Variants in REL observed in about 807,000 individuals in gnomAD.
REL encodes the protein REL proto-oncogene, NF-kB subunit, also known as proto-oncogene c-Rel.
Under a neutral mutation model 45.9 loss-of-function variants are expected in REL, and 15 were observed. The ratio of observed to expected loss-of-function variants is 0.33; its 90% CI spans 0.22 to 0.50. The LOEUF (loss-of-function observed/expected upper bound fraction) is 0.50, where lower values mean the gene tolerates loss of function less well. Ranked by LOEUF, REL falls within the 20% of genes least tolerant of loss-of-function variation. REL has a pLI of 0.98. For missense variants in REL, 601 were observed against 715.2 expected, an observed-to-expected ratio of 0.84 and a Z score of 1.82; for synonymous variants, 239 against 242.1, an observed-to-expected ratio of 0.99 and a Z score of 0.12.
chr2:60,925,584 C>G lies in REL; in HGVS notation c.*3049C>G, dbSNP rs1674248964. On this transcript the variant is annotated 3_prime_UTR_variant, in exon 10 of 10. Transcript: ENST00000394479. ...TAAAATAAATTTTTAAAATCATAAGCACATAAATAGAACTTACCAGGGAGA... is the reference window on the plus strand; with the variant it reads ...TAAAATAAATTTTTAAAATCATAAGGACATAAATAGAACTTACCAGGGAGA... The G allele has an allele frequency of 5.5e-6, 1 of 182,538 alleles. No homozygotes were observed. Among genetic ancestry groups the G allele is most frequent in the South Asian group, 2.0e-4 (1 of 5,078 alleles). The allele number at this position is 182,538 out of a possible 1,614,324, so 11.3% of individuals were successfully genotyped here. A position where few individuals can be genotyped will look rare whatever the true frequency, so the allele number is the denominator to read the frequency against.
intron 5 of REL, among the ~76,000 whole-genome samples, chr2:60,917,712 G>T (rs529873864): frequency 2.9e-5 from 4 of 138,550 alleles, no homozygotes; most frequent in Admixed American, 7.3e-5. Flanking sequence ...GTGTGTGTGT[G>T]TGTACGTGTG....
At chr2:60,887,928 T>A (rs998931510) in intron 1 of REL, among the ~76,000 whole-genome samples, 2 of 151,538 alleles carry the variant, frequency 1.3e-5, no homozygotes, top group Non-Finnish European at 2.9e-5. Flanking sequence ...TTTTTGTGTT[T>A]TGTTTGTTTT....
chr2:60,916,151 G>T (rs975867433), intron 4 of REL, among the ~76,000 whole-genome samples: 4 of 152,180 alleles, frequency 2.6e-5, no homozygotes, highest in Non-Finnish European at 5.9e-5. Flanking sequence ...AGTGGCTCAC[G>T]CCCATAATCC....
intron 4 of REL, among the ~76,000 whole-genome samples, chr2:60,912,225 A>G (rs1191902757): frequency 2.0e-5 from 3 of 151,574 alleles, no homozygotes; most frequent in Non-Finnish European, 2.9e-5. Context: ...CCCAGAAGAG[A>G]CTCCAATCAC....
At chr2:60,900,807 G>A in intron 3 of REL, 185 bp from the exon 4 acceptor site, 1 of 532,192 alleles carries the variant, frequency 1.9e-6, no homozygotes, top group Non-Finnish European at 3.2e-6. Context: ...ACAGGCACAA[G>A]CCACGCGCCC....
chr2:60,892,749 T>C (rs1558791221), intron 2 of REL, among the ~76,000 whole-genome samples: 1 of 151,506 alleles, frequency 6.6e-6, no homozygotes, highest in African/African-American at 2.4e-5. Flanking sequence ...TAAATTTATT[T>C]ATTTTTTTAT....
chr2:60,927,969 G>C lies in REL; in HGVS notation c.*5434G>C, dbSNP rs543350243. 4.7e-6 allele frequency: 1 copy of C among 212,734 alleles called. No homozygotes were observed. The highest frequency in any genetic ancestry group is 1.9e-4 in the South Asian group (1 of 5,314). 13.2% of individuals were successfully genotyped at this position (212,734 alleles called of 1,614,324 possible). On this transcript the variant is annotated 3_prime_UTR_variant, in exon 10 of 10. Coordinates refer to ENST00000394479, the MANE Select transcript of REL (RefSeq NM_001291746.2). ...GAACAGAAACAGCTGGGTTGTCAAC[G>C]TCTAACCTAATACTTCAGGAAAACT... is the stretch of plus-strand genomic sequence containing the variant.
chr2:60,885,699 A>G (rs1263962891), intron 1 of REL, among the ~76,000 whole-genome samples: 7 of 152,164 alleles, frequency 4.6e-5, no homozygotes, highest in Admixed American at 3.9e-4. Context: ...AGTAGAGGTG[A>G]TATTTGGAAA....
At chr2:60,907,069 G>A (rs1264437225) in intron 4 of REL, among the ~76,000 whole-genome samples, 3 of 151,316 alleles carry the variant, frequency 2.0e-5, no homozygotes, top group Admixed American at 6.6e-5. Context: ...ACAGGCACGC[G>A]CCACCATGCC....
At chr2:60,917,680 C>CTG (rs34038794) in intron 5 of REL, among the ~76,000 whole-genome samples, 5,624 of 142,250 alleles carry the variant, frequency 0.04, 165 homozygotes, top group East Asian at 0.12. Context: ...CCCCAAAATA[C>CTG]TGTGTGTGTG....
chr2:60,910,482 CAAAAAAA>C (rs11311284), intron 4 of REL, among the ~76,000 whole-genome samples: 3 of 138,352 alleles, frequency 2.2e-5, no homozygotes, highest in Admixed American at 7.4e-5. Context: ...AAACAAAAAA[CAAAAAAA>C]AAAAAAACAT....
At chr2:60,896,344 A>G (rs949247423) in intron 3 of REL, among the ~76,000 whole-genome samples, 3 of 152,108 alleles carry the variant, frequency 2.0e-5, no homozygotes, top group Admixed American at 2.0e-4. Flanking sequence ...GTAAAGAATA[A>G]TTTTATTTTT....
chr2:60,909,747 A>G (rs1027672055), intron 4 of REL, among the ~76,000 whole-genome samples: 1 of 152,168 alleles, frequency 6.6e-6, no homozygotes, highest in African/African-American at 2.4e-5. Context: ...CTAAAAATAC[A>G]AAAATTAGCT....
At chr2:60,919,486 C>T (rs960831269) in intron 7 of REL, among the ~76,000 whole-genome samples, 6 of 152,136 alleles carry the variant, frequency 3.9e-5, no homozygotes, top group Admixed American at 6.5e-5. Context: ...AGTACAGTGG[C>T]GCAATCCTGG....
intron 1 of REL, among the ~76,000 whole-genome samples, chr2:60,889,941 T>C (rs1673167131): frequency 6.6e-6 from 1 of 152,212 alleles, no homozygotes; most frequent in South Asian, 2.1e-4. Context: ...CAGCATGATT[T>C]ATAATCTTTT....
intron 1 of REL, among the ~76,000 whole-genome samples, chr2:60,891,272 C>T (rs145055137): frequency 3.5e-4 from 54 of 152,288 alleles, no homozygotes; most frequent in Admixed American, 6.5e-4. Flanking sequence ...ATATATTTAA[C>T]TCACTTTAGG....
In REL at chr2:60,928,188, G is replaced by A. The variant is rs1674311705; in HGVS notation, c.*5653G>A. ...AAAAAAAAAGAGGATACAACCAAAT[G>A]GAAGAACATTCCATGCTCATGGGTA... On this transcript the variant is annotated 3_prime_UTR_variant, in exon 10 of 10. Transcript: ENST00000394479. 1.2e-5 allele frequency: 2 copies of A among 171,882 alleles called. No homozygotes were observed. Among genetic ancestry groups the A allele is most frequent in the Admixed American group, 6.4e-5 (1 of 15,548 alleles). The allele number at this position is 171,882 out of a possible 1,614,324, so 10.6% of individuals were successfully genotyped here. A position where few individuals can be genotyped will look rare whatever the true frequency, so the allele number is the denominator to read the frequency against.
rs747719023 is a variant in REL, at chr2:60,922,534, A to G, written c.1763A>G (p.Ter588=). The part of the protein sequence containing the change: ...DSFPYEFFQV[*] ...TTTCCATATGAATTTTTTCAAGTAT[A>G]ACTTGCAAGATTTAAATCCTTTTAA... Residue 588 remains the stop codon, a stop_retained_variant, in exon 10 of 10, where the codon TAA becomes TGA. Transcript: ENST00000394479. 6.3e-7 allele frequency: 1 copy of G among 1,594,208 alleles called. No homozygotes were observed. The highest frequency in any genetic ancestry group is 8.5e-7 in the Non-Finnish European group (1 of 1,171,116).
In REL at chr2:60,916,858, AT is replaced by A. The variant is rs527378932; in HGVS notation, c.395-9del. 684 of 1,518,390 alleles carry A rather than the reference AT, an allele frequency of 4.5e-4. No homozygotes were observed. Among genetic ancestry groups the A allele is most frequent in the Non-Finnish European group, 4.9e-4 (543 of 1,109,552 alleles). 94.1% of individuals were successfully genotyped at this position (1,518,390 alleles called of 1,614,324 possible). On this transcript the variant is annotated intron_variant, in intron 4 of 9. Coordinates refer to ENST00000394479, the MANE Select transcript of REL (RefSeq NM_001291746.2). ...TCTATGTGACTATTACATTTAAAAA[AT>A]TTTTTTTTTCTATTCAGTCCCTGAA...
Sources: allele counts gnomAD v4.1 joint callset (sites outside exome capture counted in the v4.1 genomes callset), GRCh38; gene constraint gnomAD v4.1.1; transcripts MANE v1.5; gene names NCBI Gene and HGNC (gene_info 2026-07-23, HGNC 2026-07-21).